Variants in GPR158 observed in about 807,000 individuals in gnomAD.
The protein encoded by GPR158 is metabotropic glycine receptor.
A neutral mutation model predicts 78.2 loss-of-function variants in GPR158; 30 were observed. The observed-to-expected ratio is 0.38, with a 90% confidence interval of 0.29 to 0.52. The LOEUF (loss-of-function observed/expected upper bound fraction) is 0.52. Among genes scored for constraint, GPR158 ranks in the 20% least tolerant of loss-of-function variants. The pLI is 0.83. For synonymous variants in GPR158, 581 were observed against 591.1 expected (o/e 0.98, Z 0.25); for missense variants, 1,463 against 1,523.5 (o/e 0.96, Z 0.66).
intron 2 of GPR158, among the ~76,000 whole-genome samples, chr10:25,276,846 T>C (rs1390093311): frequency 1.3e-5 from 2 of 152,194 alleles, no homozygotes; most frequent in South Asian, 4.1e-4. Flanking sequence ...GATTTGGGAA[T>C]AGATTTGTCA....
intron 1 of GPR158, among the ~76,000 whole-genome samples, chr10:25,188,278 C>A (rs533475464): frequency 3.0e-4 from 46 of 152,078 alleles, no homozygotes; most frequent in African/African-American, 1.1e-3. Context: ...AATTGGAAAA[C>A]ACTACTTTAA....
intron 3 of GPR158, among the ~76,000 whole-genome samples, chr10:25,397,410 C>T (rs1332622597): frequency 1.3e-5 from 2 of 152,164 alleles, no homozygotes; most frequent in South Asian, 2.1e-4. Flanking sequence ...GTTGCTAAAA[C>T]TAGAGTACAG....
intron 1 of GPR158, among the ~76,000 whole-genome samples, chr10:25,184,786 C>A (rs1852658149): frequency 6.6e-6 from 1 of 152,194 alleles, no homozygotes; most frequent in Non-Finnish European, 1.5e-5. Context: ...TCTTATGTAG[C>A]AATGTAACCA....
chr10:25,403,068 T>C (rs1375678134), intron 3 of GPR158, among the ~76,000 whole-genome samples: 1 of 151,852 alleles, frequency 6.6e-6, no homozygotes, highest in Non-Finnish European at 1.5e-5. Flanking sequence ...TTTCTAAAAA[T>C]TTGGAATTAT....
intron 2 of GPR158, among the ~76,000 whole-genome samples, chr10:25,384,719 T>C (rs1834200162): frequency 6.6e-6 from 1 of 150,910 alleles, no homozygotes; most frequent in Non-Finnish European, 1.5e-5. Flanking sequence ...AAGTCTTCCC[T>C]GTATGCACCT....
At chr10:25,517,783 G>A (rs1449226491) in intron 5 of GPR158, among the ~76,000 whole-genome samples, 11 of 151,440 alleles carry the variant, frequency 7.3e-5, no homozygotes, top group South Asian at 4.2e-4. Context: ...CCAGTATTTT[G>A]TTGAGGATTT....
intron 5 of GPR158, among the ~76,000 whole-genome samples, chr10:25,544,290 A>ATGT (rs1836629769): frequency 6.7e-6 from 1 of 150,194 alleles, no homozygotes; most frequent in African/African-American, 2.4e-5. Context: ...ATAGTGTTTT[A>ATGT]TTTTTTTTTT....
At chr10:25,478,139 G>A (rs543841719) in intron 5 of GPR158, among the ~76,000 whole-genome samples, 1 of 152,284 alleles carries the variant, frequency 6.6e-6, no homozygotes, top group South Asian at 2.1e-4. Context: ...AATCAGTGAT[G>A]TATGAGGAAC....
intron 2 of GPR158, among the ~76,000 whole-genome samples, chr10:25,263,567 T>A (rs570425015): frequency 1.1e-4 from 16 of 152,292 alleles, no homozygotes; most frequent in African/African-American, 3.6e-4. Context: ...AGATGCTGCT[T>A]CTCACTATTT....
At chr10:25,386,373 A>G (rs1838107265) in intron 2 of GPR158, among the ~76,000 whole-genome samples, 1 of 152,144 alleles carries the variant, frequency 6.6e-6, no homozygotes, top group African/African-American at 2.4e-5. Flanking sequence ...AGAAAGTGTG[A>G]TGCCTCCAAC....
intron 4 of GPR158, among the ~76,000 whole-genome samples, chr10:25,413,615 C>A (rs1834622008): frequency 6.6e-6 from 1 of 152,042 alleles, no homozygotes; most frequent in Admixed American, 6.6e-5. Flanking sequence ...GATTACAGAG[C>A]TCATTGAAGG....
At position 25,531,189 on chromosome 10, in the gene GPR158, G is replaced by A. The variant is rs144713623; in HGVS notation, c.1405-19787G>A. Among the ~76,000 whole-genome samples, 14 of 152,178 alleles carry A rather than the reference G, an allele frequency of 9.2e-5. No individual in the cohort carries two copies. The East Asian group carries it at 2.5e-3, about 27-fold the overall frequency. ...GAAAACAAATTTTTTATAGAGAACG[G>A]CACCTTGTGTGGAGATTGAAAATGT... On this transcript the variant is annotated intron_variant, in intron 5 of 10. Transcript: ENST00000376351.
chr10:25,436,112 C>G (rs1307736914), intron 4 of GPR158, among the ~76,000 whole-genome samples: 1 of 152,072 alleles, frequency 6.6e-6, no homozygotes, highest in Non-Finnish European at 1.5e-5. Flanking sequence ...AAAAACTCAG[C>G]AAATAAAAAT....
At chr10:25,191,732 G>A (rs1273158275) in intron 1 of GPR158, among the ~76,000 whole-genome samples, 2 of 152,154 alleles carry the variant, frequency 1.3e-5, no homozygotes, top group Admixed American at 6.5e-5. Flanking sequence ...TTCCAGTATT[G>A]TGAAGGAGCC....
At chr10:25,576,057 G>GTT (rs11306607) in intron 7 of GPR158, among the ~76,000 whole-genome samples, 12 of 149,558 alleles carry the variant, frequency 8.0e-5, no homozygotes, top group South Asian at 2.1e-4. Context: ...TTCTGTTGTT[G>GTT]TTTTTTTTTT....
At chr10:25,563,624 TAC>T in intron 6 of GPR158, among the ~76,000 whole-genome samples, 1 of 152,304 alleles carries the variant, frequency 6.6e-6, no homozygotes, top group Non-Finnish European at 1.5e-5. Context: ...CCCTGGAGAT[TAC>T]AGTTAATGCC....
chr10:25,457,722 C>T (rs908385414), intron 4 of GPR158, among the ~76,000 whole-genome samples: 55 of 152,160 alleles, frequency 3.6e-4, no homozygotes, highest in African/African-American at 1.3e-3. Flanking sequence ...TGCTTTTGAT[C>T]ATGAGCATGA....
chr10:25,187,428 T>C (rs1852704085), intron 1 of GPR158, among the ~76,000 whole-genome samples: 1 of 152,138 alleles, frequency 6.6e-6, no homozygotes, highest in Non-Finnish European at 1.5e-5. Flanking sequence ...AAAAAGCTTA[T>C]CCACCATGAT....
chr10:25,522,673 C>T (rs535404360), intron 5 of GPR158, among the ~76,000 whole-genome samples: 12 of 152,222 alleles, frequency 7.9e-5, no homozygotes, highest in South Asian at 4.1e-4. Flanking sequence ...TCACAAAATA[C>T]GCTTATATAT....
Sources: allele counts gnomAD v4.1 joint callset (sites outside exome capture counted in the v4.1 genomes callset), GRCh38; gene constraint gnomAD v4.1.1; transcripts MANE v1.5; gene names NCBI Gene and HGNC (gene_info 2026-07-23, HGNC 2026-07-21).